The following FRMPD4 variants were observed in gnomAD, a reference collection of about 807,000 sequenced individuals.
FRMPD4 encodes the protein FERM and PDZ domain-containing protein 4.
In FRMPD4, 22 loss-of-function variants were observed where a neutral mutation model predicts 94.1. That is an observed-to-expected ratio of 0.23 (90% CI 0.17 to 0.33). The LOEUF is 0.33. Ranked by LOEUF, FRMPD4 falls within the 10% of genes least tolerant of loss-of-function variation. The pLI is 1.00. For synonymous variants in FRMPD4, 631 were observed against 548.6 expected (o/e 1.15, Z -2.10); for missense variants, 1,111 against 1,339.9 (o/e 0.83, Z 2.67).
At chrX:12,507,886 A>C (rs2148242763) in intron 2 of FRMPD4, among the ~76,000 whole-genome samples, 1 of 111,774 alleles carries the variant, frequency 8.9e-6, no homozygotes, top group South Asian at 3.8e-4. Context: ...AGGTCTGCTA[A>C]TCAATCACAG....
At chrX:12,252,924 AG>A (rs2054063197) in intron 1 of FRMPD4, among the ~76,000 whole-genome samples, 1 of 111,734 alleles carries the variant, frequency 8.9e-6, no homozygotes, top group South Asian at 3.7e-4. Context: ...TAATATATAA[AG>A]GAATTCAAAT....
At chrX:12,026,180 C>A (rs1034155406) in intron 3 of FRMPD4, among the ~76,000 whole-genome samples, 1 of 111,426 alleles carries the variant, frequency 9.0e-6, no homozygotes, top group Non-Finnish European at 1.9e-5. Flanking sequence ...GGCCAAGCCA[C>A]CATCATCTCT....
chrX:12,350,117 C>A (rs1383833932), intron 1 of FRMPD4, among the ~76,000 whole-genome samples: 2 of 111,096 alleles, frequency 1.8e-5, no homozygotes, highest in African/African-American at 6.5e-5. Context: ...ATAAAGGTAA[C>A]TACTAGAAGA....
chrX:12,141,740 G>C (rs2055695242), intron 1 of FRMPD4, among the ~76,000 whole-genome samples: 1 of 111,510 alleles, frequency 9.0e-6, no homozygotes, highest in Non-Finnish European at 1.9e-5. Flanking sequence ...CTAATTTTCT[G>C]GTTCTTAAAC....
intron 1 of FRMPD4, among the ~76,000 whole-genome samples, chrX:12,160,865 T>C (rs1271356136): frequency 9.0e-6 from 1 of 111,307 alleles, no homozygotes; most frequent in Admixed American, 9.6e-5. Flanking sequence ...CAATGCTCTT[T>C]GTATTAGTAA....
intron 4 of FRMPD4, among the ~76,000 whole-genome samples, chrX:12,663,887 G>A (rs928650037): frequency 1.8e-5 from 2 of 111,947 alleles, no homozygotes; most frequent in African/African-American, 6.5e-5. Context: ...TTGAGCAGTG[G>A]TTTGTAGTTC....
intron 3 of FRMPD4, among the ~76,000 whole-genome samples, chrX:11,925,478 T>A (rs1241726335): frequency 2.7e-5 from 3 of 112,265 alleles, no homozygotes; most frequent in Non-Finnish European, 5.6e-5. Flanking sequence ...TGGCACATAC[T>A]CTAAAATTGA....
intron 2 of FRMPD4, among the ~76,000 whole-genome samples, chrX:12,522,894 C>T (rs181254264): frequency 0.019 from 2,072 of 111,745 alleles, 64 homozygotes; most frequent in African/African-American, 0.065. Flanking sequence ...TGAGCCACCG[C>T]GCCCAGCTGG....
intron 1 of FRMPD4, among the ~76,000 whole-genome samples, chrX:12,216,248 C>T (rs2056805644): frequency 2.7e-5 from 3 of 111,269 alleles, no homozygotes; most frequent in Middle Eastern, 4.6e-3. Flanking sequence ...CTGGAGCAGC[C>T]GGGGCTTTTC....
chrX:12,355,938 A>C (rs1172831220), intron 1 of FRMPD4, among the ~76,000 whole-genome samples: 1 of 111,847 alleles, frequency 8.9e-6, no homozygotes, highest in Non-Finnish European at 1.9e-5. Flanking sequence ...AAGCACATAT[A>C]CCATCTTGAG....
intron 1 of FRMPD4, among the ~76,000 whole-genome samples, chrX:12,243,790 CTTTTTTTTTTTTTTTTTT>C (rs148889684): frequency 1.3e-4 from 3 of 22,930 alleles, no homozygotes; most frequent in African/African-American, 2.0e-4. Flanking sequence ...ATCTAAAGGG[CTTTTTTTTTTTTTTTTTT>C]TTTTTTTTTT....
chrX:12,265,076 G>A (rs1044221376), intron 1 of FRMPD4, among the ~76,000 whole-genome samples: 2 of 111,782 alleles, frequency 1.8e-5, no homozygotes, highest in African/African-American at 6.5e-5. Flanking sequence ...CCTGTGTTTC[G>A]GTTTCAGCCT....
intron 1 of FRMPD4, among the ~76,000 whole-genome samples, chrX:12,263,818 A>G (rs916540202): frequency 9.0e-6 from 1 of 111,420 alleles, no homozygotes; most frequent in Non-Finnish European, 1.9e-5. Context: ...CACAGCTCTA[A>G]AGGCTGGGAA....
intron 2 of FRMPD4, among the ~76,000 whole-genome samples, chrX:12,502,171 A>T (rs1936039877): frequency 8.9e-6 from 1 of 111,987 alleles, no homozygotes; most frequent in African/African-American, 3.2e-5. Flanking sequence ...GCTGTAAAGC[A>T]CTTGTCAACA....
chrX:11,992,408 C>A (rs976293340), intron 3 of FRMPD4, among the ~76,000 whole-genome samples: 5 of 111,681 alleles, frequency 4.5e-5, no homozygotes, highest in Non-Finnish European at 7.5e-5. Flanking sequence ...AACCAACATG[C>A]TATTGCTGTG....
intron 3 of FRMPD4, among the ~76,000 whole-genome samples, chrX:12,053,988 T>C (rs1348657522): frequency 8.9e-6 from 1 of 111,996 alleles, no homozygotes; most frequent in African/African-American, 3.2e-5. Flanking sequence ...CTGTCTATTC[T>C]GATTCTTCTC....
chrX:11,827,497 G>A (rs1254744570), intron 1 of FRMPD4, among the ~76,000 whole-genome samples: 1 of 111,444 alleles, frequency 9.0e-6, no homozygotes, highest in Non-Finnish European at 1.9e-5. Flanking sequence ...AGTTCCAGTG[G>A]TTGTTTTGCA....
Position 12,713,954 on chromosome X carries a change from T to C in FRMPD4, c.1610-2115T>C, listed in dbSNP as rs749927048. ...AGCCTTCAAGCACTTTCAAAATCCC[T>C]GGCCCCACATATGTATGCATCTCTG... On this transcript the variant is annotated intron_variant, in intron 14 of 16. Transcript: ENST00000675598. 2.7e-5 allele frequency among the ~76,000 whole-genome samples: 3 copies of C among 111,958 alleles called. No individual in the cohort carries two copies. In the South Asian group the frequency reaches 1.1e-3, roughly 42 times the overall value.
chrX:12,645,405 G>A (rs2148466572), intron 4 of FRMPD4, among the ~76,000 whole-genome samples: 1 of 95,145 alleles, frequency 1.1e-5, no homozygotes, highest in South Asian at 5.4e-4. Flanking sequence ...GCCTAGGCTG[G>A]AGTGTAATGG....
Sources: allele counts gnomAD v4.1 joint callset (sites outside exome capture counted in the v4.1 genomes callset), GRCh38; gene constraint gnomAD v4.1.1; transcripts MANE v1.5; gene names NCBI Gene and HGNC (gene_info 2026-07-23, HGNC 2026-07-21).